OPN3: variants seen among roughly 807,000 people sequenced by gnomAD.
OPN3 encodes the protein opsin-3.
Under a neutral mutation model 33.8 loss-of-function variants are expected in OPN3, and 29 were observed. That is an observed-to-expected ratio of 0.86 (90% CI 0.64 to 1.17). OPN3 has a LOEUF of 1.17. OPN3 is among the 50% of genes most tolerant of loss of function. The pLI, the probability that OPN3 is intolerant of heterozygous loss-of-function variation, is 0.00. For missense variants in OPN3, 437 were observed against 514.1 expected (o/e 0.85, Z 1.45); for synonymous variants, 216 against 216.1 (o/e 1.00, Z 0.00).
At chr1:241,597,269 A>C (rs549183534) in intron 3 of OPN3, among the ~76,000 whole-genome samples, 2 of 152,316 alleles carry the variant, frequency 1.3e-5, no homozygotes, top group South Asian at 4.1e-4. Context: ...TGAGCAAACT[A>C]GGTTCAAATC....
At chr1:241,625,173 GCAATT>G (rs1448526579) in intron 1 of OPN3, among the ~76,000 whole-genome samples, 7 of 152,156 alleles carry the variant, frequency 4.6e-5, no homozygotes, top group Non-Finnish European at 1.0e-4. Context: ...TCATTCCATT[GCAATT>G]AAGTATTTTC....
chr1:241,639,277 C>A (rs1160523376), intron 1 of OPN3: 1 of 152,240 alleles, frequency 6.6e-6, no homozygotes, highest in Non-Finnish European at 1.5e-5. Context: ...AAACAGCTTA[C>A]AGGGCACATG....
intron 1 of OPN3, among the ~76,000 whole-genome samples, chr1:241,609,021 C>G (rs1308525389): frequency 6.6e-6 from 1 of 152,094 alleles, no homozygotes; most frequent in African/African-American, 2.4e-5. Context: ...TATTTGATTC[C>G]CACAACACTC....
rs142969369 is a variant in OPN3 at position 241,623,164 on chromosome 1, C to T, written c.373+16718G>A. Among the ~76,000 whole-genome samples, 657 of 152,240 alleles carry T rather than the reference C, an allele frequency of 4.3e-3. 6 individuals carry two copies. The highest frequency in any genetic ancestry group is 0.015 in the African/African-American group (628 of 41,538). On this transcript the variant is annotated intron_variant, in intron 1 of 3. Transcript: ENST00000366554. Reference sequence around the variant, plus strand: ...TAATCCAGGGGTGGGAGTTACTATGCCAAATCAGGCAGGGCACCATGTTTG... The same window carrying T: ...TAATCCAGGGGTGGGAGTTACTATGTCAAATCAGGCAGGGCACCATGTTTG...
rs371306621 is a variant in OPN3 at position 241,635,155 on chromosome 1, T to C, written c.373+4727A>G. The C allele has an allele frequency of 1.3e-5, 21 of 1,612,850 alleles. No individual in the cohort carries two copies. The African/African-American group carries it at 2.3e-4, about 17-fold the overall frequency. On this transcript the variant is annotated intron_variant, in intron 1 of 3. Coordinates refer to ENST00000366554, the MANE Select transcript of OPN3 (RefSeq NM_014322.3). ...TTGGTTCATCGGCCTTATCTTCTACTGTAGATTTGCTTTCATCTTTATCTC... is the reference window on the plus strand; with the variant it reads ...TTGGTTCATCGGCCTTATCTTCTACCGTAGATTTGCTTTCATCTTTATCTC...
intron 1 of OPN3, chr1:241,635,447 T>G (rs148182268): frequency 1.9e-6 from 3 of 1,613,808 alleles, no homozygotes; most frequent in African/African-American, 1.3e-5. Context: ...CTCCATATCC[T>G]GACTGGCGTA....
chr1:241,613,285 A>G (rs1253941645), intron 1 of OPN3, among the ~76,000 whole-genome samples: 2 of 152,230 alleles, frequency 1.3e-5, no homozygotes, highest in Non-Finnish European at 2.9e-5. Context: ...TCTGTGAGAC[A>G]TGTAGGAATT....
At chr1:241,602,809 G>A (rs1038525406) in intron 2 of OPN3, among the ~76,000 whole-genome samples, 1 of 152,082 alleles carries the variant, frequency 6.6e-6, no homozygotes, top group Non-Finnish European at 1.5e-5. Context: ...TCACATCGGT[G>A]GTTAGAGATT....
intron 1 of OPN3, chr1:241,631,941 T>C (rs888180995): frequency 3.3e-5 from 5 of 152,310 alleles, no homozygotes; most frequent in South Asian, 2.1e-4. Context: ...TGGGTCCCCA[T>C]GTTGGCTCTT....
chr1:241,598,077 G>A (rs1663585493), intron 2 of OPN3, 80 bp from the exon 3 acceptor site: 2 of 1,471,638 alleles, frequency 1.4e-6, no homozygotes, highest in East Asian at 4.8e-5. Flanking sequence ...CAGATATTCA[G>A]ACACCATTCT....
Position 241,593,407 on chromosome 1 carries a change from A to G in OPN3, c.*1021T>C. ...AATCCTTCAAACATGATTAATTATG[A>G]AGATGAAACACTAGAGTCATATAAG... On this transcript the variant is annotated 3_prime_UTR_variant, in exon 4 of 4. Transcript: ENST00000366554. 2.3e-6 allele frequency: 1 copy of G among 428,566 alleles called. No individual in the cohort carries two copies. The highest frequency in any genetic ancestry group is 1.7e-5 in the South Asian group (1 of 59,416). The allele number at this position is 428,566 out of a possible 1,614,324, so 26.5% of individuals were successfully genotyped here.
intron 1 of OPN3, among the ~76,000 whole-genome samples, chr1:241,638,117 TTA>T (rs1261563911): frequency 2.6e-5 from 4 of 152,318 alleles, no homozygotes; most frequent in African/African-American, 9.6e-5. Flanking sequence ...TCGGAATCTC[TTA>T]TCTCAGGGTT....
intron 1 of OPN3, among the ~76,000 whole-genome samples, chr1:241,637,642 C>G (rs1664949337): frequency 6.6e-6 from 1 of 152,122 alleles, no homozygotes; most frequent in Non-Finnish European, 1.5e-5. Context: ...CAGGCACGTT[C>G]TAACCTACAG....
intron 1 of OPN3, among the ~76,000 whole-genome samples, chr1:241,611,178 A>T (rs1459027515): frequency 6.6e-6 from 1 of 152,100 alleles, no homozygotes; most frequent in African/African-American, 2.4e-5. Flanking sequence ...TTATTTTCTC[A>T]CTTTGGCCAC....
chr1:241,629,987 A>T (rs967682235), intron 1 of OPN3: 77 of 152,212 alleles, frequency 5.1e-4, no homozygotes, highest in African/African-American at 1.9e-3. Flanking sequence ...CAATTATGCC[A>T]TATTCCACAC....
chr1:241,613,203 G>A (rs1664041867), intron 1 of OPN3, among the ~76,000 whole-genome samples: 1 of 152,130 alleles, frequency 6.6e-6, no homozygotes, highest in African/African-American at 2.4e-5. Context: ...CACTTATAGA[G>A]AGTACTTACT....
At chr1:241,594,929 C>G in intron 3 of OPN3, 1 of 452,954 alleles carries the variant, frequency 2.2e-6, no homozygotes, top group East Asian at 3.7e-5. Context: ...CCTTGTAATC[C>G]TCCAAGCTTC....
At chr1:241,618,179 G>A (rs527872509) in intron 1 of OPN3, among the ~76,000 whole-genome samples, 2 of 152,132 alleles carry the variant, frequency 1.3e-5, no homozygotes, top group Admixed American at 6.5e-5. Context: ...GGGTTAACAT[G>A]AATTTAACTC....
intron 3 of OPN3, chr1:241,595,338 C>T (rs576130139): frequency 7.2e-5 from 11 of 152,294 alleles, no homozygotes; most frequent in Admixed American, 2.6e-4. Context: ...GAGGCCAACG[C>T]CTAAAGATCA....
Sources: gnomAD v4.1 joint callset for allele counts (sites outside exome capture counted in the v4.1 genomes callset) on GRCh38, gnomAD v4.1.1 for gene constraint, MANE v1.5 for transcripts, NCBI Gene and HGNC (gene_info 2026-07-23, HGNC 2026-07-21) for gene names.